ROBO2: variants seen among roughly 807,000 people sequenced by gnomAD.
The protein encoded by ROBO2 is roundabout homolog 2.
In ROBO2, 53 loss-of-function variants were observed where a neutral mutation model predicts 160.8. That is an observed-to-expected ratio of 0.33 (90% confidence interval 0.26 to 0.41). ROBO2 has a LOEUF of 0.41. Ranked by LOEUF, ROBO2 falls within the 10% of genes least tolerant of loss-of-function variation. The pLI, the probability that ROBO2 is intolerant of heterozygous loss-of-function variation, is 1.00. For missense variants in ROBO2, 1,577 were observed against 1,722.4 expected (o/e 0.92, Z 1.49); for synonymous variants, 664 against 611.7 (o/e 1.09, Z -1.26).
chr3:77,124,208 A>G (rs1003099310), intron 2 of ROBO2, among the ~76,000 whole-genome samples: 2 of 152,182 alleles, frequency 1.3e-5, no homozygotes, highest in South Asian at 4.1e-4. Context: ...CTTGAGCCGA[A>G]TGAAAGATAT....
chr3:77,401,962 A>G (rs1225845883), intron 2 of ROBO2, among the ~76,000 whole-genome samples: 1 of 152,200 alleles, frequency 6.6e-6, no homozygotes, highest in Non-Finnish European at 1.5e-5. Context: ...CCATTCTACT[A>G]TAAAGAAACA....
intron 2 of ROBO2, among the ~76,000 whole-genome samples, chr3:76,326,118 C>A (rs2072993736): frequency 6.6e-6 from 1 of 152,022 alleles, no homozygotes; most frequent in South Asian, 2.1e-4. Context: ...GACTTTTGGT[C>A]TTAGAAAATA....
At chr3:76,840,204 T>C (rs2068087360) in intron 2 of ROBO2, among the ~76,000 whole-genome samples, 1 of 152,200 alleles carries the variant, frequency 6.6e-6, no homozygotes, top group Non-Finnish European at 1.5e-5. Context: ...TAATCTGTTT[T>C]ATTTCTTTTT....
At chr3:76,923,786 T>C (rs1237215444) in intron 2 of ROBO2, among the ~76,000 whole-genome samples, 1 of 152,210 alleles carries the variant, frequency 6.6e-6, no homozygotes, top group Non-Finnish European at 1.5e-5. Context: ...ACTGAAAGTG[T>C]TTCTGGCAAC....
chr3:77,588,742 T>C lies in ROBO2; in HGVS notation c.2501-9T>C. On this transcript the variant is annotated splice_polypyrimidine_tract_variant and intron_variant, in intron 16 of 25. Coordinates refer to ENST00000461745, the Ensembl canonical transcript of ROBO2. ...TTAATATATACTAATACTATGGTTT[T>C]TTCCATAGGGAGACGCAATGAAGTT... The C allele has an allele frequency of 6.2e-7, 1 of 1,612,060 alleles. No homozygotes were observed. Among genetic ancestry groups the C allele is most frequent in the Non-Finnish European group, 8.5e-7 (1 of 1,178,526 alleles).
Position 76,092,503 on chromosome 3 carries a change from A to G in ROBO2, c.109+154901A>G, listed in dbSNP as rs187386913. ...CTAATGGCATAACTTCTATCCCCTA[A>G]GTTAAAGAATTAAGAATCTGTGATT... On this transcript the variant is annotated intron_variant, in intron 2 of 26. Coordinates refer to the ROBO2 transcript ENST00000487694. 2.4e-3 allele frequency among the ~76,000 whole-genome samples: 371 copies of G among 152,272 alleles called. 3 individuals carry two copies. The highest frequency in any genetic ancestry group is 8.6e-3 in the African/African-American group (357 of 41,564).
At position 77,477,403 on chromosome 3, in the gene ROBO2, T is replaced by TG. The variant is rs779147318; in HGVS notation, c.389-11_389-10insG. The TG allele has an allele frequency of 1.9e-6, 3 of 1,612,696 alleles. No homozygotes were observed. In the South Asian group the frequency reaches 3.3e-5, roughly 18 times the overall value. ...GTTGAGTTTTCTTTTCCTGTAATTA[T>TG]TTTTCCTCAGTGTTACGAGATGACT... On this transcript the variant is annotated splice_polypyrimidine_tract_variant and intron_variant, in intron 2 of 25. Coordinates refer to ENST00000461745, the Ensembl canonical transcript of ROBO2.
At chr3:77,565,187 C>T in intron 12 of ROBO2, 67 bp downstream of exon 13, 1 of 1,543,976 alleles carries the variant, frequency 6.5e-7, no homozygotes, top group African/African-American at 1.4e-5. Flanking sequence ...GAACGAGGGG[C>T]TTGATGAGGA....
intron 2 of ROBO2, among the ~76,000 whole-genome samples, chr3:76,717,973 T>G (rs1190790329): frequency 6.6e-6 from 1 of 152,250 alleles, no homozygotes; most frequent in Non-Finnish European, 1.5e-5. Context: ...GGCTTAAATT[T>G]CAACTGATAT....
chr3:77,335,490 CTTAA>C (rs2066404285), intron 2 of ROBO2, among the ~76,000 whole-genome samples: 1 of 152,188 alleles, frequency 6.6e-6, no homozygotes, highest in South Asian at 2.1e-4. Flanking sequence ...TGTTCTTTAA[CTTAA>C]TTATACAACA....
At chr3:76,098,479 T>C (rs910442363) in intron 2 of ROBO2, among the ~76,000 whole-genome samples, 7 of 152,164 alleles carry the variant, frequency 4.6e-5, no homozygotes, top group Non-Finnish European at 8.8e-5. Flanking sequence ...TGATGAAATA[T>C]ACTAAATAAA....
chr3:76,444,627 A>T (rs932588224), intron 2 of ROBO2, among the ~76,000 whole-genome samples: 5 of 152,298 alleles, frequency 3.3e-5, no homozygotes, highest in African/African-American at 1.2e-4. Flanking sequence ...CACTATCATG[A>T]GAACAGCATG....
chr3:77,060,093 C>G lies in ROBO2; in HGVS notation c.61+19247C>G, dbSNP rs1343370189. ...CTAGAGCAAACTATAAATTCAGTCT[C>G]TGAGTCCAGAGGGTAATTAGTCAAG... is the stretch of plus-strand genomic sequence containing the variant. On this transcript the variant is annotated intron_variant, in intron 1 of 25. Coordinates refer to ENST00000461745, the Ensembl canonical transcript of ROBO2. Among the ~76,000 whole-genome samples, 31 of 150,728 alleles carry G rather than the reference C, an allele frequency of 2.1e-4. No homozygotes were observed. The Admixed American group carries it at 2.1e-3, about 10-fold the overall frequency.
chr3:76,287,664 T>G (rs979581633), intron 2 of ROBO2, among the ~76,000 whole-genome samples: 1 of 152,186 alleles, frequency 6.6e-6, no homozygotes, highest in Non-Finnish European at 1.5e-5. Flanking sequence ...TGCATAATGG[T>G]TAAAGGTACA....
intron 2 of ROBO2, among the ~76,000 whole-genome samples, chr3:77,103,383 G>C (rs1303995960): frequency 6.6e-6 from 1 of 150,630 alleles, no homozygotes; most frequent in Non-Finnish European, 1.5e-5. Context: ...TGGTTCAAAG[G>C]TCAGGGGTCA....
At chr3:76,435,654 TC>T (rs1279885502) in intron 2 of ROBO2, among the ~76,000 whole-genome samples, 1 of 152,092 alleles carries the variant, frequency 6.6e-6, no homozygotes, top group African/African-American at 2.4e-5. Flanking sequence ...CCATATCAGC[TC>T]AACCATGCCG....
chr3:77,294,496 C>T (rs1427733834), intron 2 of ROBO2, among the ~76,000 whole-genome samples: 1 of 138,270 alleles, frequency 7.2e-6, no homozygotes, highest in African/African-American at 2.9e-5. Context: ...CTAGATCACC[C>T]CAGACATTAA....
Position 77,622,280 on chromosome 3 carries a change from A to G in ROBO2, c.3608A>G (p.Tyr1203Cys). ...CAGCCTCCAGTTCCACCGTTAGGTT[A>G]TGTGTCTGGAGCCTTGATTTCTGAT... is the stretch of plus-strand genomic sequence containing the variant. The change falls in exon 23 of 26, where the codon TAT (tyrosine) becomes TGT (cysteine). Residue 1203 changes from tyrosine to cysteine, a missense_variant. Physicochemically the swap from Tyr to Cys is radical, Grantham distance 194. Coordinates refer to ENST00000461745, the Ensembl canonical transcript of ROBO2. 6.2e-7 allele frequency: 1 copy of G among 1,614,168 alleles called. No individual in the cohort carries two copies. The highest frequency in any genetic ancestry group is 8.5e-7 in the Non-Finnish European group (1 of 1,180,026).
intron 2 of ROBO2, among the ~76,000 whole-genome samples, chr3:76,488,459 A>G (rs975394658): frequency 6.6e-6 from 1 of 151,952 alleles, no homozygotes; most frequent in African/African-American, 2.4e-5. Flanking sequence ...GTTAGAGAAG[A>G]CCTGCCGTTG....
Sources: allele counts gnomAD v4.1 joint callset (sites outside exome capture counted in the v4.1 genomes callset), GRCh38; gene constraint gnomAD v4.1.1; transcripts MANE v1.5; gene names NCBI Gene and HGNC (gene_info 2026-07-23, HGNC 2026-07-21).